The following KATNIP variants were observed in gnomAD, a reference collection of about 807,000 sequenced individuals.
The protein encoded by KATNIP is katanin interacting protein, also known as katanin-interacting protein.
A neutral mutation model predicts 174.0 loss-of-function variants in KATNIP; 126 were observed. That is an observed-to-expected ratio of 0.72 (90% CI 0.63 to 0.84). KATNIP has a LOEUF of 0.84. KATNIP is among the 40% of genes least tolerant of loss of function. KATNIP has a pLI of 0.00. For synonymous variants in KATNIP, 810 were observed against 835.7 expected, an observed-to-expected ratio of 0.97 and a Z score of 0.53; for missense variants, 1,958 against 2,109.7, an observed-to-expected ratio of 0.93 and a Z score of 1.41.
chr16:27,599,961 T>G (rs2075462255), intron 2 of KATNIP, among the ~76,000 whole-genome samples: 1 of 152,146 alleles, frequency 6.6e-6, no homozygotes, highest in Non-Finnish European at 1.5e-5. Context: ...AATTAACCCA[T>G]TCATCCTTCA....
chr16:27,584,579 G>C (rs762916418), intron 2 of KATNIP, among the ~76,000 whole-genome samples: 4 of 151,928 alleles, frequency 2.6e-5, no homozygotes, highest in Non-Finnish European at 5.9e-5. Flanking sequence ...GATCACCTAA[G>C]GTCAGGAATT....
At chr16:27,553,366 T>C (rs910129681) in intron 1 of KATNIP, among the ~76,000 whole-genome samples, 3 of 152,258 alleles carry the variant, frequency 2.0e-5, no homozygotes, top group African/African-American at 7.2e-5. Flanking sequence ...GCAGCAAATA[T>C]TGTCAGCTGT....
At chr16:27,725,902 G>A (rs536550158) in intron 14 of KATNIP, among the ~76,000 whole-genome samples, 2 of 152,188 alleles carry the variant, frequency 1.3e-5, no homozygotes, top group South Asian at 2.1e-4. Flanking sequence ...AAAGGCACTC[G>A]TTAAATTGTT....
At chr16:27,563,280 C>A (rs2089958950) in intron 1 of KATNIP, among the ~76,000 whole-genome samples, 1 of 152,116 alleles carries the variant, frequency 6.6e-6, no homozygotes, top group Non-Finnish European at 1.5e-5. Context: ...CCTCATAAGA[C>A]CAAGGGCATG....
intron 13 of KATNIP, among the ~76,000 whole-genome samples, chr16:27,720,427 A>G (rs992865406): frequency 6.6e-6 from 1 of 151,836 alleles, no homozygotes; most frequent in Admixed American, 6.6e-5. Context: ...GAAAGGGCAG[A>G]CATTAGGAGG....
At chr16:27,655,975 A>G (rs2077269121) in intron 6 of KATNIP, among the ~76,000 whole-genome samples, 1 of 152,226 alleles carries the variant, frequency 6.6e-6, no homozygotes, top group Non-Finnish European at 1.5e-5. Context: ...AAACAATGAT[A>G]GAGAGAACTC....
At chr16:27,720,496 CTTTTTTT>C (rs56263804) in intron 13 of KATNIP, among the ~76,000 whole-genome samples, 2 of 124,570 alleles carry the variant, frequency 1.6e-5, no homozygotes, top group African/African-American at 3.2e-5. Flanking sequence ...GGGTTTTGTT[CTTTTTTT>C]TTTTTTTTTT....
At chr16:27,557,431 T>A (rs1024528454) in intron 1 of KATNIP, among the ~76,000 whole-genome samples, 14 of 4,620 alleles carry the variant, frequency 3.0e-3, no homozygotes, top group Admixed American at 4.2e-3. Flanking sequence ...CAGGTGTGGA[T>A]TTTTTTTTTT....
Position 27,740,374 on chromosome 16 carries a change from T to C in KATNIP, c.2077T>C (p.Ser693Pro). Reference sequence around the variant, plus strand: ...TACTAATTGCAGGAAAGACAGTTTGTCCCAGTTAGAGGAATATTTGAGACT... The same window carrying C: ...TACTAATTGCAGGAAAGACAGTTTGCCCCAGTTAGAGGAATATTTGAGACT... ...NSTNCRKDSL[S>P]QLEEYLRLSA... Residue 693 changes from serine to proline, a missense_variant, in exon 15 of 28, where the codon TCC (serine) becomes CCC (proline). Coordinates refer to ENST00000261588, the MANE Select transcript of KATNIP (RefSeq NM_015202.5). 3 of 1,614,210 alleles carry C rather than the reference T, an allele frequency of 1.9e-6. No homozygotes were observed. Among genetic ancestry groups the C allele is most frequent in the Non-Finnish European group, 2.5e-6 (3 of 1,180,046 alleles).
At chr16:27,715,928 T>C (rs2079912530) in intron 13 of KATNIP, among the ~76,000 whole-genome samples, 1 of 151,888 alleles carries the variant, frequency 6.6e-6, no homozygotes, top group African/African-American at 2.4e-5. Flanking sequence ...GACCTAGCAA[T>C]TCCATTCCTA....
At chr16:27,702,987 C>T (rs1025671941) in intron 11 of KATNIP, among the ~76,000 whole-genome samples, 1 of 152,094 alleles carries the variant, frequency 6.6e-6, no homozygotes, top group Non-Finnish European at 1.5e-5. Flanking sequence ...GCCAACATGG[C>T]GAAAACCCAT....
chr16:27,611,964 C>G (rs1334022122), intron 2 of KATNIP, among the ~76,000 whole-genome samples: 2 of 152,070 alleles, frequency 1.3e-5, no homozygotes, highest in Non-Finnish European at 2.9e-5. Flanking sequence ...ACTTTGGGAA[C>G]CGAGCTGGCC....
rs114102573 is a variant in KATNIP at position 27,697,608 on chromosome 16, A to T, written c.941-720A>T. On this transcript the variant is annotated intron_variant, in intron 8 of 27. Transcript: ENST00000261588. ...AATTATATAAAAATTATATATAATT[A>T]TACAAAAATTATATATACAGAAATA... Among the ~76,000 whole-genome samples, 1,460 of 150,018 alleles carry T rather than the reference A, an allele frequency of 9.7e-3. 20 individuals carry two copies. The highest frequency in any genetic ancestry group is 0.034 in the African/African-American group (1,395 of 41,048).
intron 14 of KATNIP, among the ~76,000 whole-genome samples, chr16:27,737,574 A>G (rs900268715): frequency 2.0e-5 from 3 of 152,058 alleles, no homozygotes; most frequent in African/African-American, 7.2e-5. Context: ...GAGGCCTAGG[A>G]CTGAGCCCTG....
Position 27,777,536 on chromosome 16 carries a change from A to T in KATNIP, c.4552-74A>T. 7.1e-7 allele frequency: 1 copy of T among 1,407,766 alleles called. No individual in the cohort carries two copies. The highest frequency in any genetic ancestry group is 1.4e-5 in the South Asian group (1 of 73,736). 87.2% of individuals were successfully genotyped at this position (1,407,766 alleles called of 1,614,324 possible). A position where few individuals can be genotyped will look rare whatever the true frequency, so the allele number is the denominator to read the frequency against. ...CGAGGAGAAAGCCTTGGCTCAGAGC[A>T]GTAACGCGTTCTGCCCAAGGTCAAC... On this transcript the variant is annotated intron_variant, in intron 25 of 27. Coordinates refer to ENST00000261588, the MANE Select transcript of KATNIP (RefSeq NM_015202.5). This position sits in a 1 kb window ranked among gnomAD's most constrained non-coding sequence, Gnocchi z 4.4.
chr16:27,661,195 A>G (rs1327989885), intron 6 of KATNIP, among the ~76,000 whole-genome samples: 1 of 152,116 alleles, frequency 6.6e-6, no homozygotes, highest in Non-Finnish European at 1.5e-5. Context: ...AAATATTGGG[A>G]TTTCTGGCAC....
chr16:27,727,214 A>G, intron 14 of KATNIP: 1 of 231,396 alleles, frequency 4.3e-6, no homozygotes, highest in Admixed American at 4.3e-5. Context: ...TTTTCTAGAC[A>G]GTCTCTCTCT....
chr16:27,563,454 G>C (rs1196816128), intron 1 of KATNIP, among the ~76,000 whole-genome samples: 1 of 152,132 alleles, frequency 6.6e-6, no homozygotes, highest in Non-Finnish European at 1.5e-5. Flanking sequence ...GGAGGTCGAG[G>C]CTGCAGTGAG....
chr16:27,602,414 C>A (rs1040720320), intron 2 of KATNIP, among the ~76,000 whole-genome samples: 1 of 152,178 alleles, frequency 6.6e-6, no homozygotes, highest in African/African-American at 2.4e-5. Flanking sequence ...CAGTCTGTTC[C>A]AGCCACACTG....
Sources: gnomAD v4.1 joint callset for allele counts (sites outside exome capture counted in the v4.1 genomes callset) on GRCh38, gnomAD v4.1.1 for gene constraint, Gnocchi (gnomAD v3.1) non-coding constraint, MANE v1.5 for transcripts, NCBI Gene and HGNC (gene_info 2026-07-23, HGNC 2026-07-21) for gene names.